Variants in CLIP2 observed in about 807,000 individuals in gnomAD.
The protein encoded by CLIP2 is CAP-Gly domain-containing linker protein 2.
CLIP2 carries 41 observed loss-of-function variants against 111.7 expected under a neutral mutation model. The ratio of observed to expected loss-of-function variants is 0.37; its 90% CI spans 0.29 to 0.48. The LOEUF (loss-of-function observed/expected upper bound fraction) is 0.48, where lower values mean the gene tolerates loss of function less well. CLIP2 is among the 20% of genes least tolerant of loss of function. The pLI is 0.99. For missense variants in CLIP2, 1,160 were observed against 1,422.1 expected, an observed-to-expected ratio of 0.82 and a Z score of 2.96; for synonymous variants, 660 against 644.2, an observed-to-expected ratio of 1.02 and a Z score of -0.37.
Position 74,403,843 on chromosome 7 carries a change from C to G in CLIP2, c.3136C>G (p.His1046Asp). ...TGCCCTTTACTCTCTCTAGGACAAG[C>G]ACTGATCCTGAGGGGATACTGTGGA... Reference protein sequence around the residue: ...QDKAQKQEDKH With the variant: ...QDKAQKQEDKD The change falls in exon 17 of 17, where the codon CAC becomes GAC. Residue 1046 changes from histidine to aspartate, a missense_variant. Around this residue, in one of 5 missense-constraint regions of CLIP2, gnomAD observed 676 missense variants for 777.8 expected, o/e 0.87. Coordinates refer to ENST00000223398, the MANE Select transcript of CLIP2 (RefSeq NM_003388.5). 2 of 1,613,326 alleles carry G rather than the reference C, an allele frequency of 1.2e-6. No individual in the cohort carries two copies. Among genetic ancestry groups the G allele is most frequent in the African/African-American group, 1.3e-5 (1 of 75,064 alleles).
At chr7:74,397,888 C>G (rs1490954451) in intron 14 of CLIP2, among the ~76,000 whole-genome samples, 1 of 151,394 alleles carries the variant, frequency 6.6e-6, no homozygotes, top group Admixed American at 6.6e-5. Context: ...AGGATGGTCT[C>G]GAACTCCTGA....
rs888994087 is a variant in CLIP2, at chr7:74,338,309, C to G, written c.122-139C>G. On this transcript the variant is annotated intron_variant, in intron 2 of 16. Transcript: ENST00000223398. This position sits in a 1 kb window ranked among gnomAD's most constrained non-coding sequence, Gnocchi z 4.3. ...TTGAGGTCAGGAGTTCGAGACCAGC[C>G]TGGCCGAGATGGTGAAACCCCATCT... 6.2e-6 allele frequency: 6 copies of G among 967,154 alleles called. No homozygotes were observed. The Middle Eastern group carries it at 1.3e-3, about 215-fold the overall frequency. 59.9% of individuals were successfully genotyped at this position (967,154 alleles called of 1,614,324 possible).
intron 13 of CLIP2, among the ~76,000 whole-genome samples, chr7:74,391,562 G>GT (rs1791292796): frequency 6.6e-6 from 1 of 152,148 alleles, no homozygotes; most frequent in Non-Finnish European, 1.5e-5. Flanking sequence ...CTTCACCCCT[G>GT]TAATACCAGC....
rs553650771 is a variant in CLIP2, at chr7:74,340,511, T to C, written c.678+1507T>C. Among the ~76,000 whole-genome samples the C allele has an allele frequency of 2.5e-3, 383 of 152,298 alleles. 5 individuals carry two copies. The highest frequency in any genetic ancestry group is 2.0e-3 in the Non-Finnish European group (136 of 68,034). ...ATCAGTGTTATTGAAGTTGAGAGAA[T>C]TGGGTCACTGGAGCTGACAGCTTCC... On this transcript the variant is annotated intron_variant, in intron 3 of 16. Transcript: ENST00000223398.
intron 2 of CLIP2, among the ~76,000 whole-genome samples, chr7:74,331,609 GC>G (rs1789283382): frequency 8.8e-6 from 1 of 113,820 alleles, no homozygotes; most frequent in Non-Finnish European, 1.6e-5. Flanking sequence ...ACTCTGTCTC[GC>G]CCAGACTGGA....
intron 13 of CLIP2, among the ~76,000 whole-genome samples, chr7:74,396,705 G>A (rs1159105369): frequency 1.3e-5 from 2 of 152,040 alleles, no homozygotes; most frequent in Non-Finnish European, 2.9e-5. Flanking sequence ...ATTTTTAGTA[G>A]AGATGGGGTT....
intron 1 of CLIP2, among the ~76,000 whole-genome samples, chr7:74,314,051 C>T (rs140643199): frequency 3.9e-5 from 6 of 151,952 alleles, no homozygotes; most frequent in Admixed American, 6.6e-5. Flanking sequence ...GGCCTGGTGG[C>T]GGGCGCCTGT....
At chr7:74,364,466 T>A in intron 8 of CLIP2, 151 bp downstream of exon 8, 1 of 675,800 alleles carries the variant, frequency 1.5e-6, no homozygotes, top group Non-Finnish European at 2.5e-6. Context: ...GTCTGATGTC[T>A]GAGGTGTTAG....
intron 12 of CLIP2, among the ~76,000 whole-genome samples, chr7:74,387,176 G>C (rs1791134566): frequency 6.6e-6 from 1 of 152,094 alleles, no homozygotes; most frequent in African/African-American, 2.4e-5. Flanking sequence ...TCTGTGTCCT[G>C]AAATTCTATC....
chr7:74,363,244 C>T (rs1554310122), intron 7 of CLIP2, among the ~76,000 whole-genome samples: 2 of 152,144 alleles, frequency 1.3e-5, no homozygotes, highest in African/African-American at 4.8e-5. Context: ...TCAGGTGATC[C>T]GCCCACCTTG....
At chr7:74,348,585 C>T (rs1439044382) in intron 3 of CLIP2, among the ~76,000 whole-genome samples, 4 of 151,634 alleles carry the variant, frequency 2.6e-5, no homozygotes, top group African/African-American at 2.4e-5. Context: ...GTCAGGAGAT[C>T]GAGACCATCC....
intron 8 of CLIP2, among the ~76,000 whole-genome samples, chr7:74,366,173 T>C (rs114911173): frequency 0.01 from 1,565 of 152,150 alleles, 24 homozygotes; most frequent in African/African-American, 0.036. Context: ...CCTGTCTTTA[T>C]TGCAAAACCC....
In CLIP2 at chr7:74,381,401, G is replaced by C. The variant is rs554283225; in HGVS notation, c.2479+538G>C. On this transcript the variant is annotated intron_variant, in intron 11 of 16. Coordinates refer to ENST00000223398, the MANE Select transcript of CLIP2 (RefSeq NM_003388.5). ...ACGGGGTTTCACCATGTTGACCAGGGTGGTCTCGATCTCCTGACTGCGTGA... is the reference window on the plus strand; with the variant it reads ...ACGGGGTTTCACCATGTTGACCAGGCTGGTCTCGATCTCCTGACTGCGTGA... Among the ~76,000 whole-genome samples, 151 of 152,140 alleles carry C rather than the reference G, an allele frequency of 9.9e-4. 4 individuals are homozygous for C. The South Asian group carries it at 0.031, about 31-fold the overall frequency.
rs200212510 is a variant in CLIP2 at position 74,353,990 on chromosome 7, G to A, written c.789G>A (p.Ala263=). 2.5e-6 allele frequency: 4 copies of A among 1,612,828 alleles called. No homozygotes were observed. The highest frequency in any genetic ancestry group is 1.1e-5 in the South Asian group (1 of 90,996). ...LDEPLGKNDG[A]VAGTRYFQCP... ...AGCCCCTTGGGAAGAATGATGGGGC[G>A]GTGGCGGGCACCAGGTATGGTGGGC... The change falls in exon 4 of 17, where the codon GCG becomes GCA. Residue 263 remains alanine, a synonymous_variant. Coordinates refer to ENST00000223398, the MANE Select transcript of CLIP2 (RefSeq NM_003388.5).
intron 1 of CLIP2, among the ~76,000 whole-genome samples, chr7:74,305,855 A>ACCCCCCCCCCCC (rs1478628381): frequency 5.4e-4 from 28 of 52,282 alleles, no homozygotes; most frequent in African/African-American, 1.4e-3. Context: ...CTGCACCCCA[A>ACCCCCCCCCCCC]CCCCCCCCCA....
At chr7:74,324,251 C>T (rs1244872238) in intron 2 of CLIP2, among the ~76,000 whole-genome samples, 4 of 152,188 alleles carry the variant, frequency 2.6e-5, no homozygotes, top group Non-Finnish European at 5.9e-5. Flanking sequence ...CTCGGCCTCC[C>T]AAAGTGCCGG....
At chr7:74,301,582 G>A (rs1423323868) in intron 1 of CLIP2, among the ~76,000 whole-genome samples, 2 of 149,830 alleles carry the variant, frequency 1.3e-5, no homozygotes, top group Non-Finnish European at 3.0e-5. Context: ...GGTAGAGACG[G>A]GGTTTCACCA....
rs371185115 is a variant in CLIP2 at position 74,349,447 on chromosome 7, A to AAT, written c.679-4433_679-4432insAT. On this transcript the variant is annotated intron_variant, in intron 3 of 16. Transcript: ENST00000223398. Reference sequence around the variant, plus strand: ...TCTGTCTCAAAAAAAAAAAAAAAAAAGTATGTATGTGTGTGTGTGTGTGTA... The same window carrying AAT: ...TCTGTCTCAAAAAAAAAAAAAAAAAAATGTATGTATGTGTGTGTGTGTGTGTA... 2.0e-3 allele frequency among the ~76,000 whole-genome samples: 148 copies of AAT among 75,732 alleles called. 16 individuals carry two copies. The highest frequency in any genetic ancestry group is 2.6e-3 in the Non-Finnish European group (108 of 40,912). 49.7% of individuals were successfully genotyped at this position (75,732 alleles called of 152,430 possible).
chr7:74,393,138 C>T (rs555535801), intron 13 of CLIP2, among the ~76,000 whole-genome samples: 13 of 149,650 alleles, frequency 8.7e-5, no homozygotes, highest in African/African-American at 2.2e-4. Flanking sequence ...TGGGTTCAAG[C>T]GATTCTCCTG....
Sources: gnomAD v4.1 joint callset for allele counts (sites outside exome capture counted in the v4.1 genomes callset) on GRCh38, gnomAD v4.1.1 for gene constraint, gnomAD v4.1.1 regional missense constraint, Gnocchi (gnomAD v3.1) non-coding constraint, MANE v1.5 for transcripts, NCBI Gene and HGNC (gene_info 2026-07-23, HGNC 2026-07-21) for gene names.